Variants in DNAH12 observed in about 807,000 individuals in gnomAD.
The protein encoded by DNAH12 is dynein axonemal heavy chain 12.
DNAH12 carries 285 observed loss-of-function variants against 371.5 expected under a neutral mutation model. That is an observed-to-expected ratio of 0.77 (90% CI 0.70 to 0.85). The LOEUF (loss-of-function observed/expected upper bound fraction) is 0.85. Among genes scored for constraint, DNAH12 ranks in the 40% least tolerant of loss-of-function variants. The pLI, the probability that DNAH12 is intolerant of heterozygous loss-of-function variation, is 0.00. For missense variants in DNAH12, 3,611 were observed against 3,689.4 expected (o/e 0.98, Z 0.55); for synonymous variants, 1,200 against 1,213.0 (o/e 0.99, Z 0.22).
At position 57,358,369 on chromosome 3, in the gene DNAH12, G is replaced by C. The variant is rs1235020956; in HGVS notation, c.9361-1021C>G. Among the ~76,000 whole-genome samples the C allele has an allele frequency of 6.6e-5, 10 of 152,282 alleles. No individual in the cohort carries two copies. In the East Asian group the frequency reaches 1.9e-3, roughly 29 times the overall value. ...AAACTGGTCTTCAGATAGAGTAGAGGGAAGCACAGAATGACCACACAGCCC... is the reference window on the plus strand; with the variant it reads ...AAACTGGTCTTCAGATAGAGTAGAGCGAAGCACAGAATGACCACACAGCCC... On this transcript the variant is annotated intron_variant, in intron 58 of 73. Transcript: ENST00000495027.
chr3:57,553,048 T>C, the DNAH12 span, among the ~76,000 whole-genome samples: 115 of 152,044 alleles, frequency 7.6e-4, no homozygotes, highest in Non-Finnish European at 1.2e-3. Context: ...TAGTGATGCA[T>C]ACCTGTAATC....
chr3:57,323,273 CA>C lies in DNAH12; in HGVS notation c.10130-14del, dbSNP rs528014743. ...AATTTCAGCAGGCCTATAAGAGGCA[CA>C]AAAAAATGGTCACACTACTTACTCT... On this transcript the variant is annotated splice_polypyrimidine_tract_variant and intron_variant, in intron 63 of 73. Transcript: ENST00000495027. 5.6e-4 allele frequency: 866 copies of C among 1,536,616 alleles called. 4 individuals are homozygous for C. In the African/African-American group the frequency reaches 0.011, roughly 19 times the overall value.
intron 60 of DNAH12, among the ~76,000 whole-genome samples, chr3:57,336,923 A>G (rs1286469500): frequency 6.6e-6 from 1 of 152,218 alleles, no homozygotes; most frequent in African/African-American, 2.4e-5. Flanking sequence ...ATAACCTTGC[A>G]TGTAAACAAA....
chr3:57,542,169 G>A (rs1197585804), intron 2 of DNAH12, among the ~76,000 whole-genome samples: 1 of 109,482 alleles, frequency 9.1e-6, no homozygotes, highest in Non-Finnish European at 1.8e-5. Flanking sequence ...GGGGGGGGGG[G>A]CGGTGAGTAG....
intron 37 of DNAH12, among the ~76,000 whole-genome samples, chr3:57,418,410 C>T (rs2064453685): frequency 7.4e-6 from 1 of 134,916 alleles, no homozygotes; most frequent in Admixed American, 7.8e-5. Context: ...CATAGTGGTG[C>T]ATGCTTGTAG....
intron 44 of DNAH12, among the ~76,000 whole-genome samples, chr3:57,392,486 G>T (rs1012429787): frequency 1.1e-3 from 170 of 152,184 alleles, no homozygotes; most frequent in African/African-American, 4.0e-3. Flanking sequence ...CTAGTTTCTT[G>T]GGAGGCTGAG....
intron 4 of DNAH12, among the ~76,000 whole-genome samples, chr3:57,516,304 C>T (rs1439885343): frequency 6.6e-6 from 1 of 151,576 alleles, no homozygotes; most frequent in East Asian, 1.9e-4. Context: ...CCTTGTGATC[C>T]ATCCGACTCG....
intron 45 of DNAH12, among the ~76,000 whole-genome samples, chr3:57,389,842 T>TATATATATATATATATATATATATAAAAA (rs2063578029): frequency 1.4e-5 from 1 of 70,480 alleles, no homozygotes. Context: ...ATATATATAA[T>TATATATATATATATATATATATATAAAAA]ACTTTTTTTT....
At chr3:57,388,555 T>C (rs2063542501) in intron 45 of DNAH12, among the ~76,000 whole-genome samples, 2 of 2,216 alleles carry the variant, frequency 9.0e-4, no homozygotes, top group South Asian at 0.019. Context: ...CCAATATATA[T>C]TTTAAATCTA....
intron 69 of DNAH12, among the ~76,000 whole-genome samples, chr3:57,302,556 TATATATA>T (rs1214168898): frequency 1.6e-4 from 16 of 99,314 alleles, no homozygotes; most frequent in African/African-American, 6.2e-4. Context: ...TATATATATA[TATATATA>T]TGTATTTTTT....
chr3:57,313,648 G>A (rs2061626035), intron 66 of DNAH12, among the ~76,000 whole-genome samples: 1 of 152,008 alleles, frequency 6.6e-6, no homozygotes, highest in South Asian at 2.1e-4. Flanking sequence ...GTGAAACTCT[G>A]TTTCCAAACT....
intron 40 of DNAH12, among the ~76,000 whole-genome samples, chr3:57,407,616 G>A (rs1553681704): frequency 6.6e-6 from 1 of 152,152 alleles, no homozygotes; most frequent in African/African-American, 2.4e-5. Flanking sequence ...TCTAGAAAGT[G>A]TAGTTTGGTA....
intron 15 of DNAH12, 122 bp from the exon 16 acceptor site, chr3:57,470,758 G>A: frequency 1.2e-6 from 1 of 841,114 alleles, no homozygotes; most frequent in Non-Finnish European, 1.8e-6. Context: ...TTAGGCTGGA[G>A]TGCAGTGGCG....
Position 57,436,961 on chromosome 3 carries a change from C to A in DNAH12, c.4645G>T (p.Val1549Phe). 1 of 1,472,448 alleles carries A rather than the reference C, an allele frequency of 6.8e-7. No homozygotes were observed. The highest frequency in any genetic ancestry group is 9.0e-7 in the Non-Finnish European group (1 of 1,106,854). 91.2% of individuals were successfully genotyped at this position (1,472,448 alleles called of 1,614,324 possible). ...KIIQTYEMMI[V>F]RHGFMLVGEP... is the part of the protein sequence containing the mutation. ...AATATATAATCTTACCCATGTCTAACAATCATCATTTCATATGTTTGAATT... is the reference window on the plus strand; with the variant it reads ...AATATATAATCTTACCCATGTCTAAAAATCATCATTTCATATGTTTGAATT... Residue 1549 changes from valine (V) to phenylalanine (F), a missense_variant, in exon 30 of 74, where the codon GTT becomes TTT. Val to Phe is a conservative substitution (Grantham distance 50, BLOSUM62 -1). Around this residue, in one of 3 missense-constraint regions of DNAH12, gnomAD observed 2,266 missense variants for 2,236.9 expected, o/e 1.01. Transcript: ENST00000495027.
intron 40 of DNAH12, 77 bp downstream of exon 40, chr3:57,408,203 G>A: frequency 1.4e-6 from 2 of 1,401,200 alleles, no homozygotes; most frequent in Middle Eastern, 1.9e-4. Flanking sequence ...AAAGCAGATA[G>A]CATCAAAAAA....
chr3:57,469,804 G>A (rs1240718364), intron 16 of DNAH12, among the ~76,000 whole-genome samples: 2 of 152,032 alleles, frequency 1.3e-5, no homozygotes, highest in African/African-American at 4.8e-5. Context: ...CATAGAGATG[G>A]GAACAACAGA....
Position 57,419,307 on chromosome 3 carries a change from T to C in DNAH12, c.5714+60A>G. On this transcript the variant is annotated intron_variant, in intron 37 of 73. Coordinates refer to ENST00000495027, the MANE Select transcript of DNAH12 (RefSeq NM_001366028.2). The stretch of plus-strand genomic sequence containing the variant: ...ATCTCGAATACTTCAAAAATTGCCA[T>C]AATCCTATTAAAATGGTACTTTTAC... The C allele has an allele frequency of 2.1e-6, 3 of 1,432,486 alleles. No individual in the cohort carries two copies. In the South Asian group the frequency reaches 4.5e-5, roughly 21 times the overall value. The allele number at this position is 1,432,486 out of a possible 1,614,324, so 88.7% of individuals were successfully genotyped here.
chr3:57,415,049 C>CA (rs1459705093), intron 38 of DNAH12, among the ~76,000 whole-genome samples: 3 of 152,096 alleles, frequency 2.0e-5, no homozygotes, highest in African/African-American at 7.2e-5. Context: ...AATGACCATC[C>CA]AGGAGGGTCT....
intron 58 of DNAH12, among the ~76,000 whole-genome samples, chr3:57,359,579 A>AAAAAAAAAG (rs2062877476): frequency 6.6e-6 from 1 of 150,574 alleles, no homozygotes; most frequent in African/African-American, 2.4e-5. Context: ...AAAAAAAAAA[A>AAAAAAAAAG]AGAAAGAAAG....
Sources: gnomAD v4.1 joint callset for allele counts (sites outside exome capture counted in the v4.1 genomes callset) on GRCh38, gnomAD v4.1.1 for gene constraint, gnomAD v4.1.1 regional missense constraint, MANE v1.5 for transcripts, NCBI Gene and HGNC (gene_info 2026-07-23, HGNC 2026-07-21) for gene names.